The following KIAA1217 variants were observed in gnomAD, a reference collection of about 807,000 sequenced individuals.
KIAA1217 encodes the protein KIAA1217.
Under a neutral mutation model 163.9 loss-of-function variants are expected in KIAA1217, and 88 were observed. The observed-to-expected ratio is 0.54, with a 90% confidence interval of 0.45 to 0.64. The LOEUF is 0.64. Ranked by LOEUF, KIAA1217 falls within the 30% of genes least tolerant of loss-of-function variation. The probability of loss-of-function intolerance (pLI) is 0.00; values close to 1 mark genes in which losing one functional copy is unlikely to be tolerated. For missense variants in KIAA1217, 2,372 were observed against 2,475.0 expected (o/e 0.96, Z 0.88); for synonymous variants, 903 against 923.1 (o/e 0.98, Z 0.39).
chr10:23,739,330 C>T (rs746783396), intron 1 of KIAA1217, among the ~76,000 whole-genome samples: 39 of 152,136 alleles, frequency 2.6e-4, no homozygotes, highest in Admixed American at 2.6e-4. Flanking sequence ...AAGATTTGAC[C>T]ACTATGCAAT....
At chr10:24,244,699 A>G (rs7100940) in intron 2 of KIAA1217, among the ~76,000 whole-genome samples, 59,002 of 150,728 alleles carry the variant, frequency 0.39, 11,830 homozygotes, top group East Asian at 0.57. Flanking sequence ...CGAGTAGCTG[A>G]GATTATAGGC....
chr10:24,464,609 C>T (rs546350386), intron 5 of KIAA1217, among the ~76,000 whole-genome samples: 1 of 152,198 alleles, frequency 6.6e-6, no homozygotes, highest in South Asian at 2.1e-4. Context: ...CCTCAGCCTC[C>T]CAAGTAGCTG....
intron 1 of KIAA1217, among the ~76,000 whole-genome samples, chr10:23,856,405 G>A (rs1422843860): frequency 6.6e-6 from 1 of 152,208 alleles, no homozygotes; most frequent in Non-Finnish European, 1.5e-5. Context: ...TCTGTGTGAG[G>A]TGTCAGTCTG....
chr10:24,078,551 G>T (rs761367113), intron 2 of KIAA1217, among the ~76,000 whole-genome samples: 5 of 152,162 alleles, frequency 3.3e-5, no homozygotes, highest in Non-Finnish European at 1.5e-5. Context: ...AAATACTTGG[G>T]CCCTAATCTT....
At chr10:24,217,834 T>G (rs1195951718) in intron 1 of KIAA1217, among the ~76,000 whole-genome samples, 2 of 152,242 alleles carry the variant, frequency 1.3e-5, no homozygotes, top group Admixed American at 1.3e-4. Flanking sequence ...TATTGGAAAC[T>G]TATTTTTAAA....
chr10:24,258,862 G>T (rs912866436), intron 2 of KIAA1217, among the ~76,000 whole-genome samples: 23 of 152,124 alleles, frequency 1.5e-4, no homozygotes, highest in Non-Finnish European at 2.5e-4. Context: ...CAAAGTGCTG[G>T]GATTACAGGC....
intron 9 of KIAA1217, among the ~76,000 whole-genome samples, chr10:24,511,622 G>A (rs185948132): frequency 9.0e-4 from 137 of 152,218 alleles, no homozygotes; most frequent in East Asian, 4.8e-3. Context: ...ACTCCAGCCT[G>A]GGCAACAAGA....
chr10:24,209,986 C>A (rs984799064), intron 1 of KIAA1217, among the ~76,000 whole-genome samples: 2 of 152,152 alleles, frequency 1.3e-5, no homozygotes, highest in African/African-American at 4.8e-5. Context: ...GAGGAGGTCC[C>A]TGCTCTCTGG....
chr10:23,978,382 T>C (rs1280670275), intron 1 of KIAA1217, among the ~76,000 whole-genome samples: 1 of 152,188 alleles, frequency 6.6e-6, no homozygotes, highest in African/African-American at 2.4e-5. Flanking sequence ...AGAGACATAA[T>C]TATTTCTGTG....
At chr10:24,201,250 G>A (rs1211384574) in intron 2 of KIAA1217, among the ~76,000 whole-genome samples, 2 of 152,138 alleles carry the variant, frequency 1.3e-5, no homozygotes, top group Non-Finnish European at 2.9e-5. Context: ...CAGCTTGGGT[G>A]ACAGAGCAAA....
chr10:24,114,607 T>C (rs1309814652), intron 2 of KIAA1217, among the ~76,000 whole-genome samples: 1 of 152,200 alleles, frequency 6.6e-6, no homozygotes, highest in Admixed American at 6.5e-5. Flanking sequence ...GCCCTTTGAT[T>C]TCCCTCAAGT....
chr10:24,065,474 G>A (rs1251415286), intron 2 of KIAA1217, among the ~76,000 whole-genome samples: 3 of 152,250 alleles, frequency 2.0e-5, no homozygotes, highest in East Asian at 1.9e-4. Context: ...TCTTACTCCT[G>A]AGTTCTAGTT....
intron 1 of KIAA1217, among the ~76,000 whole-genome samples, chr10:23,917,207 T>C (rs999766438): frequency 2.2e-4 from 33 of 152,256 alleles, no homozygotes; most frequent in South Asian, 6.2e-4. Flanking sequence ...AGAGGAAAAC[T>C]GAGATAAAGA....
At chr10:24,382,495 G>GTCAAATTAAATTTTGATCAAATTAAGA (rs547637332) in intron 3 of KIAA1217, among the ~76,000 whole-genome samples, 5 of 151,852 alleles carry the variant, frequency 3.3e-5, no homozygotes, top group Non-Finnish European at 7.4e-5. Context: ...TAAATTTTGT[G>GTCAAATTAAATTTTGATCAAATTAAGA]TCAAATTAAA....
At chr10:24,069,548 A>C (rs2061103508) in intron 2 of KIAA1217, among the ~76,000 whole-genome samples, 2 of 152,154 alleles carry the variant, frequency 1.3e-5, no homozygotes, top group African/African-American at 4.8e-5. Context: ...CTCCTGAAGA[A>C]ACTGGGAGCT....
intron 14 of KIAA1217, 70 bp from the exon 15 acceptor site, chr10:24,531,760 G>C: frequency 1.4e-6 from 2 of 1,411,578 alleles, no homozygotes; most frequent in Non-Finnish European, 1.9e-6. Context: ...TGGGTTTGTA[G>C]CAATATACCA....
intron 2 of KIAA1217, among the ~76,000 whole-genome samples, chr10:24,364,866 T>A (rs778768399): frequency 1.3e-5 from 2 of 151,974 alleles, no homozygotes; most frequent in Non-Finnish European, 2.9e-5. Flanking sequence ...CATAGCTCAC[T>A]GTACTCACTG....
chr10:24,408,375 C>A (rs2057430725), intron 3 of KIAA1217, among the ~76,000 whole-genome samples: 1 of 152,160 alleles, frequency 6.6e-6, no homozygotes, highest in Admixed American at 6.5e-5. Flanking sequence ...TACTCCTAAT[C>A]CACCACCACC....
chr10:23,831,216 G>A (rs2131039879), intron 1 of KIAA1217, among the ~76,000 whole-genome samples: 1 of 151,542 alleles, frequency 6.6e-6, no homozygotes, highest in Admixed American at 6.6e-5. Context: ...TTGTGGATAT[G>A]AACCCCAAAG....
Sources: gnomAD v4.1 joint callset for allele counts (sites outside exome capture counted in the v4.1 genomes callset) on GRCh38, gnomAD v4.1.1 for gene constraint, MANE v1.5 for transcripts, NCBI Gene and HGNC (gene_info 2026-07-23, HGNC 2026-07-21) for gene names.